The following NHS variants were observed in gnomAD, a reference collection of about 807,000 sequenced individuals.
NHS encodes the protein actin remodeling regulator NHS.
NHS carries 5 observed loss-of-function variants against 72.5 expected under a neutral mutation model. That is an observed-to-expected ratio of 0.07 (90% confidence interval 0.04 to 0.14). The LOEUF is 0.14. Among genes scored for constraint, NHS ranks in the 10% least tolerant of loss-of-function variants. The pLI is 1.00. For synonymous variants in NHS, 464 were observed against 547.7 expected, an observed-to-expected ratio of 0.85 and a Z score of 2.13; for missense variants, 1,072 against 1,355.7, an observed-to-expected ratio of 0.79 and a Z score of 3.29.
At chrX:17,483,652 T>C (rs985459378) in intron 1 of NHS, among the ~76,000 whole-genome samples, 1 of 111,132 alleles carries the variant, frequency 9.0e-6, no homozygotes, top group African/African-American at 3.3e-5. Context: ...TACAGATAAG[T>C]GCACTGAGGT....
At chrX:17,494,973 G>A (rs1020597888) in intron 1 of NHS, among the ~76,000 whole-genome samples, 5 of 112,248 alleles carry the variant, frequency 4.5e-5, no homozygotes, top group African/African-American at 1.6e-4. Flanking sequence ...AGTTCAGCTC[G>A]AGAACAGTTG....
intron 1 of NHS, among the ~76,000 whole-genome samples, chrX:17,519,647 G>A (rs770158569): frequency 2.7e-5 from 3 of 111,502 alleles, no homozygotes; most frequent in Non-Finnish European, 3.8e-5. Flanking sequence ...TGAAACATGG[G>A]AAGTGCCAGG....
chrX:17,643,828 T>G (rs1318049170), intron 1 of NHS, among the ~76,000 whole-genome samples: 3 of 112,105 alleles, frequency 2.7e-5, no homozygotes, highest in African/African-American at 6.5e-5. Context: ...GATTAACAAG[T>G]GCTGGTAGTT....
chrX:17,418,936 A>G (rs886601318), intron 1 of NHS, among the ~76,000 whole-genome samples: 1 of 112,109 alleles, frequency 8.9e-6, no homozygotes, highest in East Asian at 2.8e-4. Flanking sequence ...GATAAACGTT[A>G]AGTTTCACAG....
chrX:17,430,259 T>TTTTCTTTCTTTC (rs56175001), intron 1 of NHS, among the ~76,000 whole-genome samples: 759 of 51,568 alleles, frequency 0.015, 9 homozygotes, highest in Admixed American at 0.029. Context: ...CCCTCTTTCT[T>TTTTCTTTCTTTC]TTTCTTTCTT....
Position 17,516,573 on chromosome X carries a change from A to G in NHS, c.565+140251A>G, listed in dbSNP as rs201498171. Among the ~76,000 whole-genome samples the G allele has an allele frequency of 7.4e-3, 522 of 70,745 alleles. 2 individuals are homozygous for G. The highest frequency in any genetic ancestry group is 0.012 in the African/African-American group (165 of 14,188). The allele number at this position is 70,745 out of a possible 115,157, so 61.4% of individuals were successfully genotyped here. ...TAACTTACAACACACACACACGCGCACACACACACACACACACACACACAC... is the reference window on the plus strand; with the variant it reads ...TAACTTACAACACACACACACGCGCGCACACACACACACACACACACACAC... On this transcript the variant is annotated intron_variant, in intron 1 of 8. Transcript: ENST00000676302.
intron 1 of NHS, among the ~76,000 whole-genome samples, chrX:17,556,072 C>G (rs1466502986): frequency 8.9e-6 from 1 of 112,200 alleles, no homozygotes; most frequent in Non-Finnish European, 1.9e-5. Flanking sequence ...GGCCTTCAAT[C>G]CCAGACTACA....
At chrX:17,680,362 A>G (rs1340473163) in intron 1 of NHS, among the ~76,000 whole-genome samples, 1 of 112,381 alleles carries the variant, frequency 8.9e-6, no homozygotes, top group East Asian at 2.8e-4. Context: ...TCTGTGATCT[A>G]GGGTCAAATA....
chrX:17,385,641 C>T (rs752358863), intron 1 of NHS, among the ~76,000 whole-genome samples: 1 of 112,109 alleles, frequency 8.9e-6, no homozygotes, highest in African/African-American at 3.2e-5. Flanking sequence ...AAAAACACTA[C>T]ATAATATTCC....
At chrX:17,660,708 C>T (rs1344035080) in intron 1 of NHS, among the ~76,000 whole-genome samples, 2 of 112,154 alleles carry the variant, frequency 1.8e-5, no homozygotes, top group Non-Finnish European at 3.8e-5. Flanking sequence ...CTCAGAGTGC[C>T]CAAGGGTGCA....
chrX:17,502,793 A>C lies in NHS; in HGVS notation c.565+126471A>C, dbSNP rs1410031212. Among the ~76,000 whole-genome samples, 10 of 104,095 alleles carry C rather than the reference A, an allele frequency of 9.6e-5. 4 individuals carry two copies. Among genetic ancestry groups the C allele is most frequent in the Admixed American group, 8.4e-4 (8 of 9,481 alleles). 90.4% of individuals were successfully genotyped at this position (104,095 alleles called of 115,157 possible). ...GACAGAGCGAGACTCCGTCTCAAAA[A>C]AAAAAAAAAAAAAAAAAGAAGTCAG... On this transcript the variant is annotated intron_variant, in intron 1 of 8. Transcript: ENST00000676302.
rs2064345421 is a variant in NHS, at chrX:17,376,093, G to A, written c.336G>A (p.Ala112=). 3 of 1,081,968 alleles carry A rather than the reference G, an allele frequency of 2.8e-6. No homozygotes were observed. Among genetic ancestry groups the A allele is most frequent in the South Asian group, 2.3e-5 (1 of 42,629 alleles). The allele number at this position is 1,081,968 out of a possible 1,213,427, so 89.2% of individuals were successfully genotyped here. A position where few individuals can be genotyped will look rare whatever the true frequency, so the allele number is the denominator to read the frequency against. The stretch of plus-strand genomic sequence containing the variant: ...CCGCAGCCGGCGAGGCGTCCTCGGC[G>A]GCGGCGGCGGCGGCCGTGCTGCTCA... The part of the protein sequence containing the change: ...AAPAAGEASS[A]AAAAAVLLML... Residue 112 remains alanine (A), a synonymous_variant, in exon 1 of 9, where the codon GCG becomes GCA. Coordinates refer to ENST00000676302, the MANE Select transcript of NHS (RefSeq NM_001291867.2).
chrX:17,674,870 C>T (rs1425149034), intron 1 of NHS, among the ~76,000 whole-genome samples: 1 of 111,743 alleles, frequency 8.9e-6, no homozygotes, highest in Non-Finnish European at 1.9e-5. Context: ...GGGCCAGTGG[C>T]AGAGTTCACG....
intron 1 of NHS, among the ~76,000 whole-genome samples, chrX:17,608,687 G>T (rs866744503): frequency 9.5e-6 from 1 of 105,534 alleles, no homozygotes; most frequent in African/African-American, 3.8e-5. Flanking sequence ...TTTTTTTTTG[G>T]GGGGATATAA....
intron 1 of NHS, among the ~76,000 whole-genome samples, chrX:17,587,862 C>T (rs922803863): frequency 2.7e-5 from 3 of 112,254 alleles, no homozygotes; most frequent in African/African-American, 6.5e-5. Flanking sequence ...ACCTAGGGAA[C>T]AAGGATACAA....
chrX:17,631,521 G>T (rs1312463053), intron 1 of NHS, among the ~76,000 whole-genome samples: 1 of 111,550 alleles, frequency 9.0e-6, no homozygotes, highest in Admixed American at 9.5e-5. Context: ...ACAATTCTAG[G>T]GATTTTTAAG....
At chrX:17,541,413 T>C (rs914823561) in intron 1 of NHS, among the ~76,000 whole-genome samples, 1 of 112,019 alleles carries the variant, frequency 8.9e-6, no homozygotes, top group Non-Finnish European at 1.9e-5. Flanking sequence ...GTCTTCCTTC[T>C]ACCTCACAGG....
chrX:17,426,233 C>G (rs779789841), intron 1 of NHS, among the ~76,000 whole-genome samples: 2 of 111,848 alleles, frequency 1.8e-5, no homozygotes, highest in South Asian at 7.6e-4. Flanking sequence ...AATAAGGGTC[C>G]CCACCACCCA....
intron 1 of NHS, among the ~76,000 whole-genome samples, chrX:17,427,186 G>A (rs2064661430): frequency 9.0e-6 from 1 of 111,677 alleles, no homozygotes; most frequent in Non-Finnish European, 1.9e-5. Context: ...TAAAAGAGGT[G>A]TGGTGTGGGT....
Sources: allele counts gnomAD v4.1 joint callset (sites outside exome capture counted in the v4.1 genomes callset), GRCh38; gene constraint gnomAD v4.1.1; transcripts MANE v1.5; gene names NCBI Gene and HGNC (gene_info 2026-07-23, HGNC 2026-07-21).